Variants in ATP11A observed in about 807,000 individuals in gnomAD.
The protein encoded by ATP11A is phospholipid-transporting ATPase IH.
Under a neutral mutation model 154.4 loss-of-function variants are expected in ATP11A, and 81 were observed. The ratio of observed to expected loss-of-function variants is 0.52; its 90% CI spans 0.44 to 0.63. The LOEUF is 0.63. Ranked by LOEUF, ATP11A falls within the 30% of genes least tolerant of loss-of-function variation. ATP11A has a pLI of 0.00. For synonymous variants in ATP11A, 623 were observed against 585.9 expected (o/e 1.06, Z -0.91); for missense variants, 1,316 against 1,474.3 (o/e 0.89, Z 1.76).
At chr13:112,808,145 G>C (rs1000139792) in intron 4 of ATP11A, among the ~76,000 whole-genome samples, 7 of 152,178 alleles carry the variant, frequency 4.6e-5, no homozygotes, top group African/African-American at 1.4e-4. Context: ...ACACTGTGCA[G>C]ACCACGGCCC....
chr13:112,690,337 A>G lies in ATP11A; in HGVS notation c.-80A>G. ...TGACCGGAGCGGGGGGCGCGGCCGC[A>G]CTAGTACCCCGGAGCCCATGGGCGC... On this transcript the variant is annotated 5_prime_UTR_variant, in exon 1 of 30. Coordinates refer to ENST00000375645, the MANE Select transcript of ATP11A (RefSeq NM_015205.3). The surrounding 1 kb of genome is among the most constrained non-coding windows in gnomAD (Gnocchi z 5.6). 1.8e-6 allele frequency: 2 copies of G among 1,116,392 alleles called. No homozygotes were observed. The highest frequency in any genetic ancestry group is 2.2e-6 in the Non-Finnish European group (2 of 893,478). 69.2% of individuals were successfully genotyped at this position (1,116,392 alleles called of 1,614,324 possible). A position where few individuals can be genotyped will look rare whatever the true frequency, so the allele number is the denominator to read the frequency against.
intron 1 of ATP11A, among the ~76,000 whole-genome samples, chr13:112,731,096 A>T (rs1890436020): frequency 6.6e-6 from 1 of 151,934 alleles, no homozygotes; most frequent in Admixed American, 6.6e-5. Context: ...CACCACGCCC[A>T]GATAATTTTT....
intron 1 of ATP11A, among the ~76,000 whole-genome samples, chr13:112,779,239 TGGAGTAGCCGCTGGAGTGA>T (rs1247570831): frequency 9.0e-4 from 93 of 103,500 alleles, no homozygotes; most frequent in East Asian, 1.8e-3. Context: ...GAGTAGCCAC[TGGAGTAGCCGCTGGAGTGA>T]GGAGTAGCCG....
intron 2 of ATP11A, among the ~76,000 whole-genome samples, chr13:112,803,265 C>T (rs1230949655): frequency 6.6e-6 from 1 of 152,194 alleles, no homozygotes; most frequent in South Asian, 2.1e-4. Flanking sequence ...AAATTCAGAA[C>T]ATGTTGGTTA....
intron 20 of ATP11A, chr13:112,856,353 A>G (rs903762175): frequency 1.1e-5 from 3 of 284,330 alleles, no homozygotes; most frequent in Non-Finnish European, 2.0e-5. Flanking sequence ...TCTGTTAAAA[A>G]AAAAAAAAAA....
At position 112,797,527 on chromosome 13, in the gene ATP11A, C is replaced by T. The variant is rs117308515; in HGVS notation, c.163-7430C>T. ...TCAGAAAAAATCTTGAAAGAAGCCA[C>T]AGGAAAAGAACATTTTACCTGCTGA... On this transcript the variant is annotated intron_variant, in intron 2 of 29. Coordinates refer to ENST00000375645, the MANE Select transcript of ATP11A (RefSeq NM_015205.3). Among the ~76,000 whole-genome samples, 90 of 152,098 alleles carry T rather than the reference C, an allele frequency of 5.9e-4. No individual in the cohort carries two copies. In the East Asian group the frequency reaches 0.017, roughly 29 times the overall value.
In ATP11A at chr13:112,831,555, G is replaced by A. The variant is rs2079085694; in HGVS notation, c.1395+7G>A. The A allele has an allele frequency of 1.9e-6, 3 of 1,613,368 alleles. No individual in the cohort carries two copies. The highest frequency in any genetic ancestry group is 1.7e-5 in the Admixed American group (1 of 59,982). ...CCCCAGCGTCAACGGGAGGGTAGGTGGCAGCCCCCACGCCGTCCAAGTGTG... is the reference window on the plus strand; with the variant it reads ...CCCCAGCGTCAACGGGAGGGTAGGTAGCAGCCCCCACGCCGTCCAAGTGTG... On this transcript the variant is annotated splice_region_variant and intron_variant, in intron 13 of 29. Transcript: ENST00000375645.
At chr13:112,852,209 G>A (rs2079786314) in intron 18 of ATP11A, among the ~76,000 whole-genome samples, 1 of 152,004 alleles carries the variant, frequency 6.6e-6, no homozygotes, top group Non-Finnish European at 1.5e-5. Context: ...TGAGAATGAA[G>A]CAGAAACTTC....
rs1405674659 is a variant in ATP11A, at chr13:112,887,125, G to T, written c.*5259G>T. The stretch of plus-strand genomic sequence containing the variant: ...GAGACCTGAATCTGCTTGCAATAAA[G>T]AATAAAAGTCTGCTTCAGTTTCTTT... On this transcript the variant is annotated 3_prime_UTR_variant, in exon 30 of 30. Coordinates refer to ENST00000375645, the MANE Select transcript of ATP11A (RefSeq NM_015205.3). 2 of 152,212 alleles carry T rather than the reference G, an allele frequency of 1.3e-5. No homozygotes were observed. The highest frequency in any genetic ancestry group is 2.9e-5 in the Non-Finnish European group (2 of 68,026). 9.4% of individuals were successfully genotyped at this position (152,212 alleles called of 1,614,324 possible).
At chr13:112,705,854 A>G (rs1887087607) in intron 1 of ATP11A, among the ~76,000 whole-genome samples, 1 of 152,230 alleles carries the variant, frequency 6.6e-6, no homozygotes, top group Admixed American at 6.5e-5. Flanking sequence ...ACGAATATAC[A>G]ATACATTGAT....
In ATP11A at chr13:112,826,863, C is replaced by T. The variant is rs905865432; in HGVS notation, c.1193C>T (p.Thr398Met). 2 of 1,614,144 alleles carry T rather than the reference C, an allele frequency of 1.2e-6. No individual in the cohort carries two copies. The highest frequency in any genetic ancestry group is 8.5e-7 in the Non-Finnish European group (1 of 1,180,034). ...ACTGGCGAGGGGCCTCTGGTGAACACGTCGGACCTCAATGAAGAGCTGGGA... is the reference window on the plus strand; with the variant it reads ...ACTGGCGAGGGGCCTCTGGTGAACATGTCGGACCTCAATGAAGAGCTGGGA... ...EETGEGPLVN[T>M]SDLNEELGQV... Residue 398 changes from threonine to methionine, a missense_variant, in exon 12 of 30, where the codon ACG (threonine) becomes ATG (methionine). By Grantham distance (81) the Thr-to-Met change is moderately conservative (BLOSUM62 -1). Transcript: ENST00000375645.
At chr13:112,698,511 C>A (rs1313662869) in intron 1 of ATP11A, among the ~76,000 whole-genome samples, 2 of 152,146 alleles carry the variant, frequency 1.3e-5, no homozygotes, top group Non-Finnish European at 2.9e-5. Flanking sequence ...ATTACATATC[C>A]TGAGAAGGAA....
chr13:112,873,535 G>A, intron 26 of ATP11A, 38 bp from the exon 27 acceptor site: 1 of 1,500,626 alleles, frequency 6.7e-7, no homozygotes. Context: ...TCACTGCTCA[G>A]ATGACACCGT....
At chr13:112,809,090 G>C (rs1447921817) in intron 4 of ATP11A, among the ~76,000 whole-genome samples, 6 of 152,212 alleles carry the variant, frequency 3.9e-5, no homozygotes, top group African/African-American at 1.4e-4. Flanking sequence ...TGGGGACAAG[G>C]TCTTTCGTCT....
At chr13:112,841,633 C>T (rs1421696343) in intron 16 of ATP11A, among the ~76,000 whole-genome samples, 3 of 152,232 alleles carry the variant, frequency 2.0e-5, no homozygotes, top group Admixed American at 2.0e-4. Context: ...TCCAGGGATG[C>T]TTCAGGTGCA....
Position 112,806,815 on chromosome 13 carries a change from C to T in ATP11A, c.333+522C>T, listed in dbSNP as rs74115487. 2.4e-3 allele frequency among the ~76,000 whole-genome samples: 361 copies of T among 152,268 alleles called. 2 individuals are homozygous for T. Among genetic ancestry groups the T allele is most frequent in the African/African-American group, 8.2e-3 (341 of 41,544 alleles). ...CAGTCCCTCCCCATTTTCTCCTCCC[C>T]GTCCCTGGCAAAGACTCATGTTTCT... On this transcript the variant is annotated intron_variant, in intron 4 of 29. Transcript: ENST00000375645.
chr13:112,813,143 C>T (rs181239078), intron 5 of ATP11A, among the ~76,000 whole-genome samples: 2 of 152,324 alleles, frequency 1.3e-5, no homozygotes, highest in Admixed American at 1.3e-4. Flanking sequence ...CAGCTTCCAT[C>T]GGTCGTAATG....
chr13:112,822,046 C>A (rs2078810941), intron 8 of ATP11A, among the ~76,000 whole-genome samples: 1 of 152,136 alleles, frequency 6.6e-6, no homozygotes, highest in Non-Finnish European at 1.5e-5. Context: ...GGTCTATCGA[C>A]CAAATATACT....
chr13:112,823,278 CT>C (rs2140214432), intron 8 of ATP11A, 66 bp from the exon 9 acceptor site: 1 of 1,253,754 alleles, frequency 8.0e-7, no homozygotes, highest in Non-Finnish European at 1.2e-6. Context: ...TCACGTCTGC[CT>C]CTTGCCCCCC....
Sources: allele counts gnomAD v4.1 joint callset (sites outside exome capture counted in the v4.1 genomes callset), GRCh38; gene constraint gnomAD v4.1.1; non-coding constraint Gnocchi (gnomAD v3.1); transcripts MANE v1.5; gene names NCBI Gene and HGNC (gene_info 2026-07-23, HGNC 2026-07-21).